ASAP1: variants seen among roughly 807,000 people sequenced by gnomAD.
ASAP1 encodes arf-GAP with SH3 domain, ANK repeat and PH domain-containing protein 1.
In ASAP1, 43 loss-of-function variants were observed where a neutral mutation model predicts 145.2. The ratio of observed to expected loss-of-function variants is 0.30; its 90% CI spans 0.23 to 0.38. The LOEUF is 0.38. Ranked by LOEUF, ASAP1 falls within the 10% of genes least tolerant of loss-of-function variation. The pLI, the probability that ASAP1 is intolerant of heterozygous loss-of-function variation, is 1.00. For synonymous variants in ASAP1, 546 were observed against 515.5 expected (o/e 1.06, Z -0.80); for missense variants, 1,018 against 1,355.3 (o/e 0.75, Z 3.91).
intron 3 of ASAP1, among the ~76,000 whole-genome samples, chr8:130,286,583 T>C (rs1474280928): frequency 6.6e-6 from 1 of 152,150 alleles, no homozygotes; most frequent in Non-Finnish European, 1.5e-5. Flanking sequence ...CCTTCCTCTA[T>C]ACAGTGAGCT....
intron 2 of ASAP1, among the ~76,000 whole-genome samples, chr8:130,395,873 C>T (rs1182737929): frequency 2.6e-5 from 4 of 152,136 alleles, no homozygotes; most frequent in Non-Finnish European, 5.9e-5. Context: ...ACTATGTTAG[C>T]TAGGCTGATC....
In ASAP1 at chr8:130,079,909, G is replaced by T. The variant is rs2097475022; in HGVS notation, c.2635C>A (p.Gln879Lys). 6.2e-7 allele frequency: 1 copy of T among 1,613,926 alleles called. No individual in the cohort carries two copies. Among genetic ancestry groups the T allele is most frequent in the Non-Finnish European group, 8.5e-7 (1 of 1,179,912 alleles). Residue 879 changes from glutamine to lysine, a missense_variant, in exon 26 of 30, where the codon CAG becomes AAG. Coordinates refer to ENST00000518721, the MANE Select transcript of ASAP1 (RefSeq NM_018482.4). ...TTNKFEGLSQ[Q>K]SSTSSAKTAL... ...AGCGCTGAGATGGCTTACCTCGACT[G>T]CTGGGATAGTCCCTCAAACTTGTTT... is the stretch of plus-strand genomic sequence containing the variant.
At chr8:130,265,227 A>T (rs952919629) in intron 3 of ASAP1, among the ~76,000 whole-genome samples, 1 of 152,126 alleles carries the variant, frequency 6.6e-6, no homozygotes, top group Non-Finnish European at 1.5e-5. Context: ...TAAATAAGCA[A>T]TCAGGATTTG....
In ASAP1 at chr8:130,112,229, A is replaced by G. The variant is rs1436357897; in HGVS notation, c.2266T>C (p.Phe756Leu). The G allele has an allele frequency of 6.2e-7, 1 of 1,614,174 alleles. No homozygotes were observed. Among genetic ancestry groups the G allele is most frequent in the Non-Finnish European group, 8.5e-7 (1 of 1,180,036 alleles). ...CGCTGTTTGTCCCTTGGAGTGCTGA[A>G]TCCTGGCAGTGCCAGCTTGTCCTGG... ...SPQDKLALPG[F>L]STPRDKQRLS... is the part of the protein sequence containing the mutation. The change falls in exon 24 of 30, where the codon TTC becomes CTC. Residue 756 changes from phenylalanine (F) to leucine (L), a missense_variant. Phe to Leu is a conservative substitution (Grantham distance 22). Coordinates refer to ENST00000518721, the MANE Select transcript of ASAP1 (RefSeq NM_018482.4).
At chr8:130,346,749 A>G (rs967808697) in intron 3 of ASAP1, among the ~76,000 whole-genome samples, 2 of 144,902 alleles carry the variant, frequency 1.4e-5, no homozygotes, top group African/African-American at 2.6e-5. Context: ...CAGTGTATTC[A>G]CTTGCCTTGC....
At chr8:130,260,010 T>C (rs1044053305) in intron 3 of ASAP1, among the ~76,000 whole-genome samples, 9 of 152,236 alleles carry the variant, frequency 5.9e-5, no homozygotes, top group African/African-American at 2.2e-4. Context: ...AAAGAATATG[T>C]TAACTTCCTA....
intron 3 of ASAP1, among the ~76,000 whole-genome samples, chr8:130,242,692 G>T (rs959115044): frequency 6.6e-6 from 1 of 152,118 alleles, no homozygotes; most frequent in Non-Finnish European, 1.5e-5. Context: ...GAACATATAC[G>T]TGAATAATCA....
chr8:130,097,280 C>CCTCAAGGCACTCTGCTCTGTGGCTTCT (rs2097520434), intron 24 of ASAP1, among the ~76,000 whole-genome samples: 1 of 152,094 alleles, frequency 6.6e-6, no homozygotes, highest in South Asian at 2.1e-4. Context: ...ACAGGCCTGT[C>CCTCAAGGCACTCTGCTCTGTGGCTTCT]CTCAAGGCAC....
intron 2 of ASAP1, among the ~76,000 whole-genome samples, chr8:130,375,421 A>G (rs750968248): frequency 6.6e-6 from 1 of 152,012 alleles, no homozygotes; most frequent in Non-Finnish European, 1.5e-5. Context: ...TGAGCTGGGC[A>G]TAGTGGCTCA....
At chr8:130,300,218 T>C (rs1822581815) in intron 3 of ASAP1, among the ~76,000 whole-genome samples, 1 of 143,268 alleles carries the variant, frequency 7.0e-6, no homozygotes, top group Non-Finnish European at 1.5e-5. Flanking sequence ...ACAAAAGGCT[T>C]CTAAGGTCCC....
At chr8:130,231,221 T>C (rs1288538891) in intron 4 of ASAP1, among the ~76,000 whole-genome samples, 1 of 152,172 alleles carries the variant, frequency 6.6e-6, no homozygotes, top group African/African-American at 2.4e-5. Context: ...TATCTACTAC[T>C]TAATTCTAAC....
intron 2 of ASAP1, among the ~76,000 whole-genome samples, chr8:130,380,113 A>G (rs1421559667): frequency 1.3e-5 from 2 of 152,226 alleles, no homozygotes; most frequent in Non-Finnish European, 2.9e-5. Flanking sequence ...GGGTTCCCCC[A>G]GAAGCCCAGC....
At chr8:130,162,700 C>T (rs1243281472) in intron 11 of ASAP1, among the ~76,000 whole-genome samples, 2 of 152,028 alleles carry the variant, frequency 1.3e-5, no homozygotes, top group African/African-American at 4.8e-5. Context: ...CGCCTGTACT[C>T]CCAGCTACTC....
intron 3 of ASAP1, among the ~76,000 whole-genome samples, chr8:130,328,077 C>T (rs757090400): frequency 2.4e-4 from 37 of 152,136 alleles, no homozygotes; most frequent in Admixed American, 5.2e-4. Flanking sequence ...ACCACTACTG[C>T]AGCTGTCTAA....
chr8:130,188,639 C>G (rs1323460032), intron 5 of ASAP1, among the ~76,000 whole-genome samples: 1 of 140,052 alleles, frequency 7.1e-6, no homozygotes, highest in African/African-American at 2.7e-5. Context: ...GAGGCTGAGG[C>G]AGGAGAATCA....
Position 130,341,686 on chromosome 8 carries a change from G to C in ASAP1, c.186+16331C>G, listed in dbSNP as rs150311707. Among the ~76,000 whole-genome samples the C allele has an allele frequency of 7.9e-3, 1,200 of 152,212 alleles. 16 individuals are homozygous for C. The highest frequency in any genetic ancestry group is 0.028 in the African/African-American group (1,153 of 41,512). On this transcript the variant is annotated intron_variant, in intron 3 of 29. Coordinates refer to ENST00000518721, the MANE Select transcript of ASAP1 (RefSeq NM_018482.4). ...GCTGGTGCAAAGATTAAATAATTCCGTGTCTTCAACTTGACTGCCCAGCCC... is the reference window on the plus strand; with the variant it reads ...GCTGGTGCAAAGATTAAATAATTCCCTGTCTTCAACTTGACTGCCCAGCCC...
chr8:130,387,478 A>G (rs1410033698), intron 2 of ASAP1, among the ~76,000 whole-genome samples: 1 of 151,836 alleles, frequency 6.6e-6, no homozygotes, highest in Admixed American at 6.6e-5. Flanking sequence ...GGAGGTTGCA[A>G]TGAGCCAAGA....
intron 15 of ASAP1, among the ~76,000 whole-genome samples, chr8:130,133,084 A>G (rs2097585567): frequency 1.3e-5 from 2 of 152,108 alleles, no homozygotes; most frequent in South Asian, 2.1e-4. Flanking sequence ...TGTGCCACTG[A>G]TGGGACAGGA....
chr8:130,280,801 T>C (rs1449906979), intron 3 of ASAP1, among the ~76,000 whole-genome samples: 1 of 152,226 alleles, frequency 6.6e-6, no homozygotes, highest in African/African-American at 2.4e-5. Flanking sequence ...TCAGTTTTTA[T>C]TGAAATTTAA....
Sources: allele counts gnomAD v4.1 joint callset (sites outside exome capture counted in the v4.1 genomes callset), GRCh38; gene constraint gnomAD v4.1.1; transcripts MANE v1.5; gene names NCBI Gene and HGNC (gene_info 2026-07-23, HGNC 2026-07-21).